Variants in CDH13 observed in about 807,000 individuals in gnomAD.
CDH13 encodes the protein cadherin 13, also known as cadherin-13.
In CDH13, 24 loss-of-function variants were observed where a neutral mutation model predicts 63.8. The ratio of observed to expected loss-of-function variants is 0.38; its 90% CI spans 0.27 to 0.53. CDH13 has a LOEUF of 0.53. Ranked by LOEUF, CDH13 falls within the 20% of genes least tolerant of loss-of-function variation. The pLI is 0.85. For missense variants in CDH13, 1,049 were observed against 903.1 expected (o/e 1.16, Z -2.07); for synonymous variants, 503 against 355.3 (o/e 1.42, Z -4.67).
chr16:83,166,850 C>T (rs572493888), intron 4 of CDH13, among the ~76,000 whole-genome samples: 2 of 152,272 alleles, frequency 1.3e-5, no homozygotes, highest in South Asian at 2.1e-4. Context: ...AGTGTATTAC[C>T]GCCATTCACG....
At chr16:82,789,139 C>G (rs1468481011) in intron 1 of CDH13, among the ~76,000 whole-genome samples, 4 of 152,240 alleles carry the variant, frequency 2.6e-5, no homozygotes, top group African/African-American at 4.8e-5. Flanking sequence ...ATTTCACACC[C>G]CACCCCATCC....
chr16:83,705,516 G>A (rs1355891897), intron 10 of CDH13, among the ~76,000 whole-genome samples: 1 of 152,096 alleles, frequency 6.6e-6, no homozygotes, highest in Non-Finnish European at 1.5e-5. Context: ...CAGCTACTCG[G>A]GAGGCTGAGG....
chr16:82,898,097 A>T (rs1439664585), intron 2 of CDH13, among the ~76,000 whole-genome samples: 2 of 152,256 alleles, frequency 1.3e-5, no homozygotes, highest in African/African-American at 4.8e-5. Context: ...TATTTTTAAA[A>T]TCTCATGAAT....
At chr16:83,573,487 C>G (rs139893108) in intron 7 of CDH13, among the ~76,000 whole-genome samples, 1 of 152,296 alleles carries the variant, frequency 6.6e-6, no homozygotes, top group Non-Finnish European at 1.5e-5. Flanking sequence ...CATGCTATCT[C>G]TTCCCTTTTT....
chr16:83,323,165 CTCTTTCTTT>C (rs2090270025), intron 5 of CDH13, among the ~76,000 whole-genome samples: 1 of 3,068 alleles, frequency 3.3e-4, no homozygotes, highest in Admixed American at 8.5e-3. Context: ...TTCTTTCTTT[CTCTTTCTTT>C]TTTCTTTCTT....
chr16:83,376,600 G>A (rs746044797), intron 6 of CDH13, among the ~76,000 whole-genome samples: 4 of 152,072 alleles, frequency 2.6e-5, no homozygotes, highest in Non-Finnish European at 4.4e-5. Flanking sequence ...CATCTAACTC[G>A]GTGAGATGCT....
chr16:83,159,811 A>T lies in CDH13; in HGVS notation c.483+34310A>T, dbSNP rs187650949. 3.0e-3 allele frequency among the ~76,000 whole-genome samples: 450 copies of T among 152,300 alleles called. 7 individuals are homozygous for T. The highest frequency in any genetic ancestry group is 3.7e-3 in the East Asian group (19 of 5,178). On this transcript the variant is annotated intron_variant, in intron 4 of 13. Coordinates refer to ENST00000567109, the MANE Select transcript of CDH13 (RefSeq NM_001257.5). ...ATAATGCACCTGGGCACGGTGGGTC[A>T]TGTCTGTAATCCTAGCACTTTGGGA... is the stretch of plus-strand genomic sequence containing the variant.
At chr16:83,443,586 G>T (rs1199250699) in intron 6 of CDH13, among the ~76,000 whole-genome samples, 4 of 151,676 alleles carry the variant, frequency 2.6e-5, no homozygotes, top group African/African-American at 9.7e-5. Context: ...AGGAATCAGT[G>T]TCAGACTGGG....
intron 7 of CDH13, among the ~76,000 whole-genome samples, chr16:83,515,400 A>G (rs1219774289): frequency 1.3e-5 from 2 of 152,250 alleles, no homozygotes; most frequent in Non-Finnish European, 2.9e-5. Context: ...TTAACAAGCA[A>G]TAATAAACAG....
At chr16:82,905,561 A>G (rs2041615688) in intron 2 of CDH13, among the ~76,000 whole-genome samples, 1 of 152,170 alleles carries the variant, frequency 6.6e-6, no homozygotes, top group East Asian at 1.9e-4. Context: ...ACTAGAAAGT[A>G]TCAGAAACCA....
chr16:82,982,533 C>G (rs1178543211), intron 2 of CDH13, among the ~76,000 whole-genome samples: 2 of 152,200 alleles, frequency 1.3e-5, no homozygotes, highest in African/African-American at 4.8e-5. Context: ...ATGTTCAAAG[C>G]TGCATTTGCA....
intron 7 of CDH13, among the ~76,000 whole-genome samples, chr16:83,516,807 G>GT (rs1244667194): frequency 6.6e-6 from 1 of 152,212 alleles, no homozygotes; most frequent in Non-Finnish European, 1.5e-5. Flanking sequence ...TGATCTGAGT[G>GT]TTTTTTACAA....
intron 5 of CDH13, among the ~76,000 whole-genome samples, chr16:83,342,457 T>A (rs777696475): frequency 6.6e-6 from 1 of 152,214 alleles, no homozygotes; most frequent in African/African-American, 2.4e-5. Context: ...CCCTTCACTG[T>A]TTTTAGAGAC....
chr16:82,739,108 A>T (rs917895558), intron 1 of CDH13, among the ~76,000 whole-genome samples: 3 of 152,200 alleles, frequency 2.0e-5, no homozygotes, highest in African/African-American at 7.2e-5. Flanking sequence ...TCTCATAGTC[A>T]CTCATCATTC....
intron 6 of CDH13, among the ~76,000 whole-genome samples, chr16:83,363,810 C>T (rs951862293): frequency 2.6e-5 from 4 of 152,098 alleles, no homozygotes; most frequent in South Asian, 2.1e-4. Flanking sequence ...TGCTCCTCCT[C>T]CATAGAGGAG....
chr16:82,852,685 C>T (rs998653024), intron 1 of CDH13, among the ~76,000 whole-genome samples: 5 of 152,176 alleles, frequency 3.3e-5, no homozygotes, highest in Admixed American at 2.0e-4. Flanking sequence ...GTTGCCAACT[C>T]GAATGCCTAG....
intron 2 of CDH13, among the ~76,000 whole-genome samples, chr16:82,919,618 C>T (rs1653049812): frequency 6.6e-6 from 1 of 152,150 alleles, no homozygotes; most frequent in Non-Finnish European, 1.5e-5. Flanking sequence ...CATTGATGGG[C>T]ATTTAGTTTG....
intron 5 of CDH13, among the ~76,000 whole-genome samples, chr16:83,278,662 G>A (rs1047437800): frequency 3.9e-5 from 6 of 152,198 alleles, no homozygotes; most frequent in African/African-American, 1.2e-4. Context: ...TGGCAATGCC[G>A]GTTGAGGTGG....
At position 83,600,555 on chromosome 16, in the gene CDH13, A is replaced by G. The variant is rs550563794; in HGVS notation, c.961-1899A>G. ...TACCATGTAAACTTAGGACTTCAGA[A>G]GAAAATTGGACATCCTCCATTGCTT... On this transcript the variant is annotated intron_variant, in intron 7 of 13. Transcript: ENST00000567109. Among the ~76,000 whole-genome samples, 161 of 152,330 alleles carry G rather than the reference A, an allele frequency of 1.1e-3. 1 individual carries two copies. Among genetic ancestry groups the G allele is most frequent in the African/African-American group, 3.8e-3 (158 of 41,570 alleles).
Sources: gnomAD v4.1 joint callset for allele counts (sites outside exome capture counted in the v4.1 genomes callset) on GRCh38, gnomAD v4.1.1 for gene constraint, MANE v1.5 for transcripts, NCBI Gene and HGNC (gene_info 2026-07-23, HGNC 2026-07-21) for gene names.